The following PTPRD variants were observed in gnomAD, a reference collection of about 807,000 sequenced individuals.
The protein encoded by PTPRD is receptor-type tyrosine-protein phosphatase delta.
PTPRD carries 34 observed loss-of-function variants against 214.5 expected under a neutral mutation model. The observed-to-expected ratio is 0.16, with a 90% CI of 0.12 to 0.21. The LOEUF is 0.21. Ranked by LOEUF, PTPRD falls within the 10% of genes least tolerant of loss-of-function variation. The pLI, the probability that PTPRD is intolerant of heterozygous loss-of-function variation, is 1.00. For synonymous variants in PTPRD, 1,128 were observed against 845.7 expected, an observed-to-expected ratio of 1.33 and a Z score of -5.79; for missense variants, 2,545 against 2,398.7, an observed-to-expected ratio of 1.06 and a Z score of -1.27.
intron 11 of PTPRD, among the ~76,000 whole-genome samples, chr9:8,952,179 T>G (rs184235580): frequency 6.6e-6 from 1 of 152,116 alleles, no homozygotes; most frequent in Admixed American, 6.6e-5. Context: ...TTTTGCTTAC[T>G]TTTTTGCTTT....
At chr9:10,162,708 C>T (rs539136267) in intron 3 of PTPRD, among the ~76,000 whole-genome samples, 66 of 144,568 alleles carry the variant, frequency 4.6e-4, no homozygotes, top group Non-Finnish European at 7.7e-4. Context: ...TACATATACA[C>T]GTATATATAT....
chr9:8,337,064 G>GAAAT (rs1847659805), intron 43 of PTPRD, among the ~76,000 whole-genome samples: 1 of 152,168 alleles, frequency 6.6e-6, no homozygotes, highest in South Asian at 2.1e-4. Flanking sequence ...TCTAGAACCA[G>GAAAT]AAATACCATT....
At chr9:8,655,341 A>ATTCTTTGAT (rs1225702588) in intron 12 of PTPRD, among the ~76,000 whole-genome samples, 2 of 152,236 alleles carry the variant, frequency 1.3e-5, no homozygotes, top group East Asian at 1.9e-4. Flanking sequence ...GTTTGATCGC[A>ATTCTTTGAT]GAAAGGCTGA....
intron 2 of PTPRD, among the ~76,000 whole-genome samples, chr9:10,490,522 T>C (rs2039858489): frequency 6.6e-6 from 1 of 152,176 alleles, no homozygotes; most frequent in South Asian, 2.1e-4. Flanking sequence ...CAGTCTGTCA[T>C]AAAGTCCCTG....
intron 2 of PTPRD, among the ~76,000 whole-genome samples, chr9:10,525,919 T>C (rs868519144): frequency 7.9e-5 from 12 of 152,116 alleles, no homozygotes; most frequent in Non-Finnish European, 1.5e-4. Context: ...CCTAATACTG[T>C]GCTATCCAAG....
intron 3 of PTPRD, among the ~76,000 whole-genome samples, chr9:10,138,329 T>C (rs936568109): frequency 6.6e-6 from 1 of 151,918 alleles, no homozygotes; most frequent in Non-Finnish European, 1.5e-5. Flanking sequence ...CCTCCCAAGA[T>C]TGAACCATGA....
intron 11 of PTPRD, among the ~76,000 whole-genome samples, chr9:8,743,897 G>C (rs2092448889): frequency 6.6e-6 from 1 of 150,874 alleles, no homozygotes; most frequent in Non-Finnish European, 1.5e-5. Flanking sequence ...ATCGACATAG[G>C]ACTAATATCC....
chr9:8,678,265 G>A (rs1195500593), intron 12 of PTPRD, among the ~76,000 whole-genome samples: 3 of 152,072 alleles, frequency 2.0e-5, no homozygotes, highest in Admixed American at 6.6e-5. Context: ...TTACGACCCC[G>A]GGAGTCCTAG....
chr9:10,359,390 T>A (rs1274176234), intron 2 of PTPRD, among the ~76,000 whole-genome samples: 1 of 152,020 alleles, frequency 6.6e-6, no homozygotes, highest in Non-Finnish European at 1.5e-5. Flanking sequence ...TTGTAAATAT[T>A]ATTACATCTT....
chr9:9,014,238 T>C (rs2099524907), intron 11 of PTPRD, among the ~76,000 whole-genome samples: 1 of 150,568 alleles, frequency 6.6e-6, no homozygotes, highest in African/African-American at 2.4e-5. Context: ...TTGAGTTTCA[T>C]GAGCAAAGCT....
At chr9:10,158,111 C>T (rs1401023040) in intron 3 of PTPRD, among the ~76,000 whole-genome samples, 1 of 152,056 alleles carries the variant, frequency 6.6e-6, no homozygotes, top group Non-Finnish European at 1.5e-5. Context: ...TGAGTTCAAA[C>T]AATTCTTCTG....
At chr9:9,283,139 A>G (rs891577700) in intron 9 of PTPRD, among the ~76,000 whole-genome samples, 10 of 151,382 alleles carry the variant, frequency 6.6e-5, no homozygotes, top group Non-Finnish European at 1.3e-4. Context: ...TTTCCTTTTT[A>G]TAATTGGACC....
At chr9:9,239,011 C>G (rs972544069) in intron 9 of PTPRD, among the ~76,000 whole-genome samples, 1 of 152,156 alleles carries the variant, frequency 6.6e-6, no homozygotes, top group African/African-American at 2.4e-5. Flanking sequence ...CCCACAGCCT[C>G]CACAAGATTG....
At chr9:10,277,411 G>A (rs925164684) in intron 3 of PTPRD, among the ~76,000 whole-genome samples, 3 of 152,250 alleles carry the variant, frequency 2.0e-5, no homozygotes, top group Middle Eastern at 3.4e-3. Flanking sequence ...TCCAGGGCCA[G>A]CCCTGACTCT....
intron 7 of PTPRD, among the ~76,000 whole-genome samples, chr9:9,685,415 C>T (rs1203240148): frequency 2.0e-5 from 3 of 151,178 alleles, no homozygotes; most frequent in Non-Finnish European, 4.4e-5. Context: ...ATTACATTTT[C>T]AATTGAGAGT....
At chr9:9,029,346 A>T (rs904840009) in intron 10 of PTPRD, among the ~76,000 whole-genome samples, 4 of 151,882 alleles carry the variant, frequency 2.6e-5, no homozygotes, top group Non-Finnish European at 5.9e-5. Flanking sequence ...AAAAGTGCTG[A>T]TTGGTTAGGA....
intron 3 of PTPRD, among the ~76,000 whole-genome samples, chr9:10,058,473 G>A (rs1252635915): frequency 6.6e-6 from 1 of 151,936 alleles, no homozygotes; most frequent in Admixed American, 6.6e-5. Flanking sequence ...TATGCTCCCA[G>A]GTTACAATCT....
At chr9:8,533,172 T>A (rs1426846149) in intron 14 of PTPRD, among the ~76,000 whole-genome samples, 1 of 152,066 alleles carries the variant, frequency 6.6e-6, no homozygotes, top group Non-Finnish European at 1.5e-5. Context: ...AAACACTGAA[T>A]CTCTTCTTTG....
At chr9:9,838,878 T>C (rs575382536) in intron 5 of PTPRD, among the ~76,000 whole-genome samples, 1 of 152,176 alleles carries the variant, frequency 6.6e-6, no homozygotes, top group Non-Finnish European at 1.5e-5. Flanking sequence ...TAGGTTTTCT[T>C]CTAGGATTTT....
Sources: allele counts gnomAD v4.1 joint callset (sites outside exome capture counted in the v4.1 genomes callset), GRCh38; gene constraint gnomAD v4.1.1; transcripts MANE v1.5; gene names NCBI Gene and HGNC (gene_info 2026-07-23, HGNC 2026-07-21).